The following AFF3 variants were observed in gnomAD, a reference collection of about 807,000 sequenced individuals.
AFF3 encodes the protein AF4/FMR2 family member 3.
AFF3 carries 32 observed loss-of-function variants against 129.7 expected under a neutral mutation model. The observed-to-expected ratio is 0.25, with a 90% CI of 0.19 to 0.33. AFF3 has a LOEUF of 0.33. Among genes scored for constraint, AFF3 ranks in the 10% least tolerant of loss-of-function variants. AFF3 has a pLI of 1.00. For synonymous variants in AFF3, 644 were observed against 635.4 expected, an observed-to-expected ratio of 1.01 and a Z score of -0.20; for missense variants, 1,373 against 1,592.0, an observed-to-expected ratio of 0.86 and a Z score of 2.34.
At chr2:99,772,267 C>G (rs535746939) in intron 8 of AFF3, among the ~76,000 whole-genome samples, 7 of 152,144 alleles carry the variant, frequency 4.6e-5, no homozygotes, top group Non-Finnish European at 7.4e-5. Context: ...TTGTTCTGAC[C>G]AGGCCGTGTG....
chr2:99,862,744 C>T (rs1282846539), intron 7 of AFF3, among the ~76,000 whole-genome samples: 4 of 152,276 alleles, frequency 2.6e-5, no homozygotes, highest in East Asian at 1.9e-4. Flanking sequence ...AAAGTCATCA[C>T]GAAGTGGACC....
intron 7 of AFF3, among the ~76,000 whole-genome samples, chr2:99,851,236 G>A (rs17436483): frequency 0.031 from 4,670 of 152,270 alleles, 86 homozygotes; most frequent in Non-Finnish European, 0.041. Flanking sequence ...TACAAGACAG[G>A]CAAGATTTTC....
intron 11 of AFF3, among the ~76,000 whole-genome samples, chr2:99,699,753 G>C (rs757012529): frequency 1.3e-5 from 2 of 152,160 alleles, no homozygotes; most frequent in Admixed American, 6.5e-5. Flanking sequence ...CAGCAGTGCC[G>C]ATCTCTGCCT....
chr2:99,591,909 A>C (rs1678719914), intron 15 of AFF3, among the ~76,000 whole-genome samples: 2 of 152,176 alleles, frequency 1.3e-5, no homozygotes, highest in East Asian at 3.8e-4. Flanking sequence ...TGCCTCATAA[A>C]GTTATAAGGA....
chr2:99,716,900 A>G (rs1180495404), intron 11 of AFF3, among the ~76,000 whole-genome samples: 1 of 150,680 alleles, frequency 6.6e-6, no homozygotes, highest in Non-Finnish European at 1.5e-5. Flanking sequence ...AAATATATAT[A>G]TATATATCCC....
chr2:99,731,158 A>G (rs1679798132), intron 10 of AFF3, among the ~76,000 whole-genome samples: 1 of 152,072 alleles, frequency 6.6e-6, no homozygotes, highest in Non-Finnish European at 1.5e-5. Context: ...GGGTTTCACC[A>G]TGTTGGCCAG....
intron 7 of AFF3, among the ~76,000 whole-genome samples, chr2:100,003,489 G>C (rs951629683): frequency 7.2e-5 from 11 of 152,148 alleles, no homozygotes; most frequent in African/African-American, 2.4e-4. Context: ...ATGAGGAGTG[G>C]TGTTCAGAAT....
chr2:99,946,640 A>G (rs1675602898), intron 7 of AFF3, among the ~76,000 whole-genome samples: 1 of 152,118 alleles, frequency 6.6e-6, no homozygotes, highest in African/African-American at 2.4e-5. Context: ...ACCAAAATAT[A>G]GGAAAGAAAA....
At chr2:99,777,936 A>C (rs1168770749) in intron 8 of AFF3, among the ~76,000 whole-genome samples, 5 of 147,974 alleles carry the variant, frequency 3.4e-5, no homozygotes, top group Non-Finnish European at 5.9e-5. Context: ...GGTACTTAAA[A>C]AAAGCAAAAG....
chr2:99,731,449 C>T (rs956138667), intron 10 of AFF3, among the ~76,000 whole-genome samples: 1 of 152,078 alleles, frequency 6.6e-6, no homozygotes, highest in Admixed American at 6.5e-5. Context: ...TGATTAATCA[C>T]CTTCTGACAG....
At chr2:99,812,114 TG>T (rs1686836491) in intron 8 of AFF3, among the ~76,000 whole-genome samples, 1 of 152,202 alleles carries the variant, frequency 6.6e-6, no homozygotes, top group African/African-American at 2.4e-5. Flanking sequence ...TTGTGCCCAA[TG>T]CAAAGAGATG....
intron 7 of AFF3, among the ~76,000 whole-genome samples, chr2:99,940,686 A>C (rs940596843): frequency 6.6e-6 from 1 of 152,222 alleles, no homozygotes; most frequent in Non-Finnish European, 1.5e-5. Flanking sequence ...ATGGGCAACC[A>C]GCAGCCCTCA....
chr2:100,078,831 G>A (rs1021207722), intron 4 of AFF3, among the ~76,000 whole-genome samples: 19 of 152,066 alleles, frequency 1.2e-4, no homozygotes, highest in Admixed American at 1.3e-4. Context: ...TGAAAGCATC[G>A]CTATAGATTA....
intron 11 of AFF3, among the ~76,000 whole-genome samples, chr2:99,673,708 T>C (rs1687369900): frequency 6.6e-6 from 1 of 152,178 alleles, no homozygotes; most frequent in Non-Finnish European, 1.5e-5. Context: ...TCCCCTAAAA[T>C]GTACCTAGTG....
chr2:99,842,524 C>T (rs1689393585), intron 7 of AFF3, among the ~76,000 whole-genome samples: 1 of 152,096 alleles, frequency 6.6e-6, no homozygotes, highest in Admixed American at 6.5e-5. Context: ...TTGAGGAACC[C>T]ACCTCATTTT....
At chr2:99,846,491 G>T (rs1015433850) in intron 7 of AFF3, among the ~76,000 whole-genome samples, 19 of 152,136 alleles carry the variant, frequency 1.2e-4, no homozygotes, top group Admixed American at 9.8e-4. Flanking sequence ...TTTTTTAAGG[G>T]ATGGCAGGAA....
At chr2:99,810,353 T>C (rs1024384169) in intron 8 of AFF3, among the ~76,000 whole-genome samples, 3 of 152,144 alleles carry the variant, frequency 2.0e-5, no homozygotes, top group African/African-American at 7.2e-5. Context: ...CCACACCTGT[T>C]CCCCCATCTG....
chr2:100,107,023 A>C, intron 2 of AFF3: 1 of 985,432 alleles, frequency 1.0e-6, no homozygotes, highest in South Asian at 4.7e-5. Flanking sequence ...GTGCACCTAA[A>C]GCAATTGCAA....
chr2:99,921,118 A>G (rs913167993), intron 7 of AFF3, among the ~76,000 whole-genome samples: 10 of 152,104 alleles, frequency 6.6e-5, no homozygotes, highest in African/African-American at 2.4e-4. Context: ...TTCTCAAAAG[A>G]AAACACATAA....
Sources: allele counts gnomAD v4.1 joint callset (sites outside exome capture counted in the v4.1 genomes callset), GRCh38; gene constraint gnomAD v4.1.1; transcripts MANE v1.5; gene names NCBI Gene and HGNC (gene_info 2026-07-23, HGNC 2026-07-21).